CUEDC1: variants seen among roughly 807,000 people sequenced by gnomAD.
The protein encoded by CUEDC1 is CUE domain-containing protein 1.
CUEDC1 carries 30 observed loss-of-function variants against 43.7 expected under a neutral mutation model. The observed-to-expected ratio is 0.69, with a 90% CI of 0.51 to 0.93. The LOEUF (loss-of-function observed/expected upper bound fraction) is 0.93. Among genes scored for constraint, CUEDC1 ranks in the 40% least tolerant of loss-of-function variants. The pLI is 0.00. For missense variants in CUEDC1, 486 were observed against 549.0 expected (o/e 0.89, Z 1.15); for synonymous variants, 223 against 223.6 (o/e 1.00, Z 0.02).
intron 1 of CUEDC1, among the ~76,000 whole-genome samples, chr17:57,937,181 C>A (rs1317066802): frequency 6.6e-6 from 1 of 152,160 alleles, no homozygotes; most frequent in Non-Finnish European, 1.5e-5. Context: ...AGCCTGGCCT[C>A]AGCTTCTATT....
intron 2 of CUEDC1, among the ~76,000 whole-genome samples, chr17:57,882,195 T>C (rs935278370): frequency 2.5e-4 from 38 of 151,922 alleles, no homozygotes; most frequent in Admixed American, 1.2e-3. Flanking sequence ...GGTTTTTTTT[T>C]CCAGTCAGCA....
At chr17:57,920,314 C>G (rs1335911201) in intron 1 of CUEDC1, among the ~76,000 whole-genome samples, 2 of 152,174 alleles carry the variant, frequency 1.3e-5, no homozygotes, top group Non-Finnish European at 2.9e-5. Context: ...ATATGCACAT[C>G]CAAGTTTGAG....
chr17:57,883,162 A>C (rs1055765970), intron 2 of CUEDC1, among the ~76,000 whole-genome samples: 1 of 152,162 alleles, frequency 6.6e-6, no homozygotes, highest in African/African-American at 2.4e-5. Flanking sequence ...AAGGAGAGAG[A>C]CAATAGAAAA....
At chr17:57,893,958 G>A (rs2074383100) in intron 1 of CUEDC1, among the ~76,000 whole-genome samples, 1 of 152,190 alleles carries the variant, frequency 6.6e-6, no homozygotes, top group Non-Finnish European at 1.5e-5. Context: ...GCCAGGCATG[G>A]TGGTGGGTGC....
intron 9 of CUEDC1, 93 bp from the exon 10 acceptor site, chr17:57,866,637 T>C: frequency 8.0e-7 from 1 of 1,250,448 alleles, no homozygotes; most frequent in South Asian, 1.2e-5. Context: ...GACCCGACTC[T>C]CTCTGCCCCC....
chr17:57,947,470 A>G (rs200954618), intron 1 of CUEDC1, among the ~76,000 whole-genome samples: 1 of 152,138 alleles, frequency 6.6e-6, no homozygotes, highest in East Asian at 1.9e-4. Flanking sequence ...GTTATACTAC[A>G]TGTTTTTCGT....
At chr17:57,894,237 G>C (rs891661406) in intron 1 of CUEDC1, among the ~76,000 whole-genome samples, 6 of 152,058 alleles carry the variant, frequency 3.9e-5, no homozygotes, top group African/African-American at 1.5e-4. Flanking sequence ...GGGTGAGGCT[G>C]GGGGCAGCCC....
chr17:57,867,021 G>A, intron 9 of CUEDC1: 2 of 434,550 alleles, frequency 4.6e-6, no homozygotes, highest in Non-Finnish European at 4.3e-6. Context: ...AAGCTGCCCA[G>A]TGCTTGGTTC....
chr17:57,955,267 CCGGGCCG>C lies in CUEDC1; in HGVS notation c.-365_-359del, dbSNP rs2075046671. On this transcript the variant is annotated 5_prime_UTR_variant, in exon 1 of 11. Transcript: ENST00000577830. The surrounding 1 kb of genome is among the most constrained non-coding windows in gnomAD (Gnocchi z 5.3). Reference sequence around the variant, plus strand: ...GTCCGCTCCGCGCGGGCCGCAGGGGCCGGGCCGCGGGCCGGGCGGGGGAGGGGCTGCA... The same window carrying C: ...GTCCGCTCCGCGCGGGCCGCAGGGGCCGGGCCGGGCGGGGGAGGGGCTGCA... 6.8e-6 allele frequency: 1 copy of C among 146,078 alleles called. No individual in the cohort carries two copies. Among genetic ancestry groups the C allele is most frequent in the African/African-American group, 2.5e-5 (1 of 40,524 alleles). 9.0% of individuals were successfully genotyped at this position (146,078 alleles called of 1,614,324 possible).
chr17:57,925,623 C>T (rs971927955), intron 1 of CUEDC1, among the ~76,000 whole-genome samples: 19 of 152,150 alleles, frequency 1.2e-4, no homozygotes, highest in Admixed American at 3.3e-4. Flanking sequence ...CCCCAGCAGA[C>T]GAAGATCCCT....
At chr17:57,944,810 A>G (rs2074946686) in intron 1 of CUEDC1, among the ~76,000 whole-genome samples, 1 of 152,210 alleles carries the variant, frequency 6.6e-6, no homozygotes, top group South Asian at 2.1e-4. Context: ...AGCATCAAGA[A>G]CAGATTTCAA....
At chr17:57,899,257 C>T (rs577125495) in intron 1 of CUEDC1, among the ~76,000 whole-genome samples, 4 of 152,284 alleles carry the variant, frequency 2.6e-5, no homozygotes, top group Admixed American at 1.3e-4. Context: ...CCAGCTGCAC[C>T]CCCCCAACCA....
chr17:57,907,957 T>C (rs1361642669), intron 1 of CUEDC1, among the ~76,000 whole-genome samples: 1 of 151,664 alleles, frequency 6.6e-6, no homozygotes, highest in Non-Finnish European at 1.5e-5. Flanking sequence ...GGCCAAGCCA[T>C]AAGATCCAGA....
In CUEDC1 at chr17:57,930,056, G is replaced by C. The variant is rs184486843; in HGVS notation, c.-316+25169C>G. ...GCCCTCAGGTGATCCACCCGCCTCG[G>C]CCTCCCAAAGTGCTGGGATTACAGG... On this transcript the variant is annotated intron_variant, in intron 1 of 10. Transcript: ENST00000577830. This position sits in a 1 kb window ranked among gnomAD's most constrained non-coding sequence, Gnocchi z 4.2. Among the ~76,000 whole-genome samples the C allele has an allele frequency of 1.9e-3, 296 of 152,274 alleles. No individual in the cohort carries two copies. Among genetic ancestry groups the C allele is most frequent in the African/African-American group, 6.9e-3 (288 of 41,550 alleles).
intron 1 of CUEDC1, among the ~76,000 whole-genome samples, chr17:57,924,112 A>ATTT (rs34465364): frequency 9.4e-5 from 14 of 148,526 alleles, no homozygotes; most frequent in East Asian, 8.0e-4. Context: ...TTCTTCCTGC[A>ATTT]TTTTTTTTTT....
At chr17:57,900,280 T>C (rs1017987209) in intron 1 of CUEDC1, among the ~76,000 whole-genome samples, 2 of 152,124 alleles carry the variant, frequency 1.3e-5, no homozygotes, top group Admixed American at 6.6e-5. Context: ...ATTGAAATCT[T>C]CCAGGGATAT....
At chr17:57,879,287 CCT>C (rs2074171145) in intron 3 of CUEDC1, among the ~76,000 whole-genome samples, 1 of 152,142 alleles carries the variant, frequency 6.6e-6, no homozygotes, top group African/African-American at 2.4e-5. Flanking sequence ...ATACACATTC[CCT>C]GTTTGTCATT....
intron 1 of CUEDC1, among the ~76,000 whole-genome samples, chr17:57,905,391 G>A (rs2074520918): frequency 6.6e-6 from 1 of 152,210 alleles, no homozygotes; most frequent in Non-Finnish European, 1.5e-5. Context: ...CTGAGGCCAG[G>A]TGGGTGGCCC....
intron 1 of CUEDC1, among the ~76,000 whole-genome samples, chr17:57,945,175 C>T (rs1246111815): frequency 6.6e-6 from 1 of 152,158 alleles, no homozygotes; most frequent in Non-Finnish European, 1.5e-5. Flanking sequence ...TAAATAGCAG[C>T]CAGGCTACAG....
Sources: allele counts gnomAD v4.1 joint callset (sites outside exome capture counted in the v4.1 genomes callset), GRCh38; gene constraint gnomAD v4.1.1; non-coding constraint Gnocchi (gnomAD v3.1); transcripts MANE v1.5; gene names NCBI Gene and HGNC (gene_info 2026-07-23, HGNC 2026-07-21).